Variants in CLCN7 observed in about 807,000 individuals in gnomAD.
CLCN7 encodes the protein Cl-/H+ antiporter 7, also known as H(+)/Cl(-) exchange transporter 7.
CLCN7 carries 60 observed loss-of-function variants against 102.1 expected under a neutral mutation model. The ratio of observed to expected loss-of-function variants is 0.59; its 90% confidence interval spans 0.48 to 0.73. CLCN7 has a LOEUF of 0.73. Among genes scored for constraint, CLCN7 ranks in the 30% least tolerant of loss-of-function variants. The pLI is 0.00. For missense variants in CLCN7, 962 were observed against 1,125.7 expected (o/e 0.85, Z 2.08); for synonymous variants, 560 against 490.5 (o/e 1.14, Z -1.87).
At chr16:1,453,922 G>C (rs773946358) in intron 13 of CLCN7, 28 bp from the exon 14 acceptor site, 1 of 1,611,892 alleles carries the variant, frequency 6.2e-7, no homozygotes, top group Admixed American at 1.7e-5. Context: ...GCCAGTCAGC[G>C]ACACCGGAGG....
chr16:1,454,557 C>T (rs1207711575), intron 12 of CLCN7, 92 bp from the exon 13 acceptor site: 6 of 1,248,840 alleles, frequency 4.8e-6, no homozygotes, highest in African/African-American at 3.0e-5. Flanking sequence ...CTTAAGAGAG[C>T]TGTCCCCACA....
chr16:1,453,512 C>T (rs746283649), intron 14 of CLCN7, among the ~76,000 whole-genome samples: 7 of 152,222 alleles, frequency 4.6e-5, no homozygotes, highest in Non-Finnish European at 7.3e-5. Flanking sequence ...AGGACAGCTG[C>T]GGTTGCTACC....
chr16:1,449,330 G>A lies in CLCN7; in HGVS notation c.1618-3C>T, dbSNP rs560186122. 2 of 1,583,322 alleles carry A rather than the reference G, an allele frequency of 1.3e-6. No individual in the cohort carries two copies. The highest frequency in any genetic ancestry group is 3.6e-5 in the Admixed American group (2 of 55,508). On this transcript the variant is annotated splice_polypyrimidine_tract_variant and splice_region_variant and intron_variant, in intron 17 of 24. Coordinates refer to ENST00000382745, the MANE Select transcript of CLCN7 (RefSeq NM_001287.6). ...TATTTGCCGGGGTCCGCCCAGATCT[G>A]TGGGAGGTGACACGGAGGAGGTGTC... is the stretch of plus-strand genomic sequence containing the variant.
Position 1,451,633 on chromosome 16 carries a change from G to A in CLCN7, c.1437C>T (p.His479=), listed in dbSNP as rs200880732. The A allele has an allele frequency of 2.1e-4, 346 of 1,611,734 alleles. No individual in the cohort carries two copies. The highest frequency in any genetic ancestry group is 6.6e-4 in the South Asian group (60 of 91,066). The part of the protein sequence containing the change: ...TPEKSVVSLF[H]DPPGSYNPLT... ...ACTGCCCACACACACCTGGCGGGTC[G>A]TGGAAGAGGCTCACCACGCTCTTCT... Residue 479 remains histidine, a synonymous_variant, in exon 16 of 25, where the codon CAC becomes CAT. Transcript: ENST00000382745.
At chr16:1,472,802 A>G (rs2039094981) in intron 1 of CLCN7, 1 of 149,664 alleles carries the variant, frequency 6.7e-6, no homozygotes, top group African/African-American at 2.5e-5. Context: ...AAAGAGTGAC[A>G]AACTACCTCG....
Position 1,446,703 on chromosome 16 carries a change from C to A in CLCN7, c.2346G>T (p.Val782=). The A allele has an allele frequency of 6.3e-7, 1 of 1,588,714 alleles. No homozygotes were observed. The highest frequency in any genetic ancestry group is 1.1e-5 in the South Asian group (1 of 87,794). Residue 782 remains valine (V), a synonymous_variant, in exon 25 of 25, where the codon GTG becomes GTT. Coordinates refer to ENST00000382745, the MANE Select transcript of CLCN7 (RefSeq NM_001287.6). ...VDNRNQVVGL[V]TRKDLARYRL... ...GGTACCTGGCGAGGTCCTTCCTGGT[C>A]ACCAACCCGACAACCTGCAGGACAA...
rs367688658 is a variant in CLCN7 at position 1,448,951 on chromosome 16, G to C, written c.1797+15C>G. The C allele has an allele frequency of 3.0e-5, 49 of 1,611,890 alleles. 2 individuals are homozygous for C. In the South Asian group the frequency reaches 5.1e-4, roughly 17 times the overall value. On this transcript the variant is annotated intron_variant, in intron 19 of 24. Transcript: ENST00000382745. ...ACCCACGCTCTCAGGGTGAGGCTTCGAGGCCCTGGCGCACCTCAATGAAGA... is the reference window on the plus strand; with the variant it reads ...ACCCACGCTCTCAGGGTGAGGCTTCCAGGCCCTGGCGCACCTCAATGAAGA...
At chr16:1,467,193 C>CCAGACAGA (rs370170723) in intron 1 of CLCN7, among the ~76,000 whole-genome samples, 1 of 152,042 alleles carries the variant, frequency 6.6e-6, no homozygotes, top group South Asian at 2.1e-4. Context: ...GGAGCAGAGG[C>CCAGACAGA]CAGACAGACA....
rs970833971 is a variant in CLCN7, at chr16:1,453,684, C to T, written c.1214+150G>A. ...CCCGGGACACATCTCTGACCAGCTC[C>T]ACCGGGGAAACCATCAGGAAGGACG... On this transcript the variant is annotated intron_variant, in intron 14 of 24. Transcript: ENST00000382745. 22 of 788,026 alleles carry T rather than the reference C, an allele frequency of 2.8e-5. No homozygotes were observed. The Admixed American group carries it at 4.2e-4, about 15-fold the overall frequency. 48.8% of individuals were successfully genotyped at this position (788,026 alleles called of 1,614,324 possible). A position where few individuals can be genotyped will look rare whatever the true frequency, so the allele number is the denominator to read the frequency against.
chr16:1,449,811 C>T (rs1030304962), intron 17 of CLCN7: 5 of 213,646 alleles, frequency 2.3e-5, no homozygotes, highest in African/African-American at 7.3e-5. Context: ...ACGTGAGAAA[C>T]GCCGCTGAAC....
chr16:1,446,745 C>T, intron 24 of CLCN7, 28 bp from the exon 25 acceptor site: 1 of 1,545,300 alleles, frequency 6.5e-7, no homozygotes, highest in African/African-American at 1.4e-5. Flanking sequence ...GCCACAGTGA[C>T]ACACGGGTCG....
chr16:1,471,027 C>G (rs930424077), intron 1 of CLCN7, among the ~76,000 whole-genome samples: 4 of 152,176 alleles, frequency 2.6e-5, no homozygotes, highest in Non-Finnish European at 5.9e-5. Flanking sequence ...GCTGGCTGAC[C>G]TCACCCTCGC....
chr16:1,448,102 C>T (rs1452426541), intron 21 of CLCN7, among the ~76,000 whole-genome samples: 1 of 152,190 alleles, frequency 6.6e-6, no homozygotes, highest in East Asian at 1.9e-4. Flanking sequence ...GACAAAGTCA[C>T]GGCCCCCAGT....
chr16:1,472,662 G>T (rs1309242217), intron 1 of CLCN7: 1 of 152,066 alleles, frequency 6.6e-6, no homozygotes, highest in African/African-American at 2.4e-5. Context: ...CTCCATCAAG[G>T]TTCCTAATCT....
At chr16:1,448,787 CAG>C (rs780915828) in intron 19 of CLCN7, 21 bp from the exon 20 acceptor site, 2 of 1,608,768 alleles carry the variant, frequency 1.2e-6, no homozygotes, top group Non-Finnish European at 1.7e-6. Context: ...GGCGGGAACA[CAG>C]GGCTTGAGGA....
intron 15 of CLCN7, 49 bp from the exon 16 acceptor site, chr16:1,451,765 G>A (rs1336150632): frequency 6.7e-7 from 1 of 1,503,664 alleles, no homozygotes; most frequent in Non-Finnish European, 9.2e-7. Flanking sequence ...TGAGCTGGTG[G>A]GCTGCAGGCA....
intron 18 of CLCN7, 27 bp from the exon 19 acceptor site, chr16:1,449,120 A>C: frequency 6.2e-7 from 1 of 1,612,538 alleles, no homozygotes; most frequent in Admixed American, 1.7e-5. Flanking sequence ...GAACCCCAGC[A>C]CGTCCACCCT....
intron 7 of CLCN7, among the ~76,000 whole-genome samples, chr16:1,458,222 C>G (rs2038870570): frequency 6.6e-6 from 1 of 152,234 alleles, no homozygotes; most frequent in Non-Finnish European, 1.5e-5. Context: ...GCCTCATCCT[C>G]TCCACCTGAG....
chr16:1,473,157 G>C (rs560898971), intron 1 of CLCN7, among the ~76,000 whole-genome samples: 4 of 151,840 alleles, frequency 2.6e-5, no homozygotes, highest in African/African-American at 9.7e-5. Flanking sequence ...AATCACCCAT[G>C]GCCCCATCAC....
Sources: allele counts gnomAD v4.1 joint callset (sites outside exome capture counted in the v4.1 genomes callset), GRCh38; gene constraint gnomAD v4.1.1; transcripts MANE v1.5; gene names NCBI Gene and HGNC (gene_info 2026-07-23, HGNC 2026-07-21).